STX16: variants seen among roughly 807,000 people sequenced by gnomAD.
The protein encoded by STX16 is syntaxin 16, also known as syntaxin-16.
In STX16, 28 loss-of-function variants were observed where a neutral mutation model predicts 42.7. The observed-to-expected ratio is 0.66, with a 90% CI of 0.49 to 0.90. STX16 has a LOEUF of 0.90. STX16 is among the 40% of genes least tolerant of loss of function. The probability of loss-of-function intolerance (pLI) is 0.00; values close to 1 mark genes in which losing one functional copy is unlikely to be tolerated. For synonymous variants in STX16, 156 were observed against 155.2 expected, an observed-to-expected ratio of 1.00 and a Z score of -0.04; for missense variants, 361 against 420.9, an observed-to-expected ratio of 0.86 and a Z score of 1.24.
chr20:58,652,864 CT>C (rs561829356), intron 1 of STX16, among the ~76,000 whole-genome samples: 25 of 147,574 alleles, frequency 1.7e-4, no homozygotes, highest in South Asian at 1.3e-3. Flanking sequence ...TAAAATAGCA[CT>C]TTTTTTTTTT....
chr20:58,672,734 C>A (rs2084009820), intron 7 of STX16, among the ~76,000 whole-genome samples: 1 of 152,188 alleles, frequency 6.6e-6, no homozygotes, highest in Admixed American at 6.5e-5. Context: ...CCGAGCTCAG[C>A]AATGATTCTG....
At chr20:58,658,250 A>C (rs1282746603) in intron 1 of STX16, among the ~76,000 whole-genome samples, 1 of 152,256 alleles carries the variant, frequency 6.6e-6, no homozygotes, top group African/African-American at 2.4e-5. Flanking sequence ...CAAGTTAGGG[A>C]TTTTGTCTTG....
In STX16 at chr20:58,657,556, G is replaced by C. The variant is rs911218148; in HGVS notation, c.133-2067G>C. Among the ~76,000 whole-genome samples the C allele has an allele frequency of 1.3e-5, 2 of 152,104 alleles. No individual in the cohort carries two copies. The highest frequency in any genetic ancestry group is 4.8e-5 in the African/African-American group (2 of 41,390). On this transcript the variant is annotated intron_variant, in intron 1 of 8. Coordinates refer to ENST00000371141, the MANE Select transcript of STX16 (RefSeq NM_001001433.3). This position sits in a 1 kb window ranked among gnomAD's most constrained non-coding sequence, Gnocchi z 4.2. ...GTTCTTTAGACTATAAATTCCACAT[G>C]CTACTTGGAGTTTTCAGTGTTTGCT... is the stretch of plus-strand genomic sequence containing the variant.
At position 58,671,438 on chromosome 20, in the gene STX16, G is replaced by A. The variant is rs1415958267; in HGVS notation, c.792+141G>A. The A allele has an allele frequency of 0.048, 10,209 of 213,670 alleles. 603 individuals carry two copies. Among genetic ancestry groups the A allele is most frequent in the African/African-American group, 0.32 (6,268 of 19,356 alleles). The allele number at this position is 213,670 out of a possible 1,614,324, so 13.2% of individuals were successfully genotyped here. On this transcript the variant is annotated intron_variant, in intron 7 of 8. Coordinates refer to ENST00000371141, the MANE Select transcript of STX16 (RefSeq NM_001001433.3). ...GCACCTGTCCTTTATGTGTGTGTGG[G>A]TGTGTGTGTGTGTGTGTGTGTGTGT...
At chr20:58,663,559 G>T (rs1440960963) in intron 2 of STX16, among the ~76,000 whole-genome samples, 2 of 152,068 alleles carry the variant, frequency 1.3e-5, no homozygotes, top group African/African-American at 4.8e-5. Flanking sequence ...GACCCCAGTA[G>T]TTCTTGGAGA....
chr20:58,659,018 T>A (rs1352487590), intron 1 of STX16, among the ~76,000 whole-genome samples: 1 of 152,198 alleles, frequency 6.6e-6, no homozygotes, highest in African/African-American at 2.4e-5. Context: ...GTTTCTCAGC[T>A]CTCTTACTAC....
intron 7 of STX16, among the ~76,000 whole-genome samples, chr20:58,672,696 C>G (rs967878720): frequency 6.6e-6 from 1 of 152,042 alleles, no homozygotes; most frequent in Non-Finnish European, 1.5e-5. Context: ...ATGTGAGCAC[C>G]CTACTCTAGA....
chr20:58,667,384 C>G lies in STX16; in HGVS notation c.145-106C>G. On this transcript the variant is annotated intron_variant, in intron 2 of 8. Transcript: ENST00000371141. ...ACATTTAAGAGAGAGTAAACATTCA[C>G]TCCTTTCTGTATCTTTTCAGGGAGT... 3 of 929,708 alleles carry G rather than the reference C, an allele frequency of 3.2e-6. No homozygotes were observed. In the South Asian group the frequency reaches 4.2e-5, roughly 13 times the overall value. 57.6% of individuals were successfully genotyped at this position (929,708 alleles called of 1,614,324 possible).
intron 2 of STX16, among the ~76,000 whole-genome samples, chr20:58,664,414 G>A (rs1452808671): frequency 6.6e-6 from 1 of 152,158 alleles, no homozygotes; most frequent in African/African-American, 2.4e-5. Flanking sequence ...TCATAAAAGA[G>A]ACAAATTATT....
At chr20:58,665,118 T>A (rs2083789171) in intron 2 of STX16, among the ~76,000 whole-genome samples, 1 of 152,246 alleles carries the variant, frequency 6.6e-6, no homozygotes, top group Admixed American at 6.5e-5. Flanking sequence ...TGTGTACCTC[T>A]TGGTGACTTT....
Position 58,676,467 on chromosome 20 carries a change from G to A in STX16, c.*176G>A. The A allele has an allele frequency of 1.7e-6, 1 of 587,810 alleles. No individual in the cohort carries two copies. The allele number at this position is 587,810 out of a possible 1,614,324, so 36.4% of individuals were successfully genotyped here. A position where few individuals can be genotyped will look rare whatever the true frequency, so the allele number is the denominator to read the frequency against. ...CCCTAGTCCTGCTCAAGCGGTCCGG[G>A]GAATGGGTTTTTGTTTTTCCTTCAT... On this transcript the variant is annotated 3_prime_UTR_variant, in exon 9 of 9. Transcript: ENST00000371141.
chr20:58,655,967 C>T (rs1333972910), intron 1 of STX16, among the ~76,000 whole-genome samples: 1 of 152,144 alleles, frequency 6.6e-6, no homozygotes, highest in Non-Finnish European at 1.5e-5. Context: ...ATTTCCCATG[C>T]ATTTTACTTT....
chr20:58,656,154 C>G (rs1405884114), intron 1 of STX16, among the ~76,000 whole-genome samples: 1 of 152,116 alleles, frequency 6.6e-6, no homozygotes, highest in African/African-American at 2.4e-5. Context: ...CATTTGTAAA[C>G]TGAGGGGTTT....
At position 58,651,977 on chromosome 20, in the gene STX16, C is replaced by T. The variant is rs1414527729; in HGVS notation, c.-30C>T. ...TCAGGAATATAAGTGGGCGGGGGGC[C>T]CCTGAGAGGGGGGTCGCAAAGGGTG... On this transcript the variant is annotated 5_prime_UTR_variant, in exon 1 of 9. Transcript: ENST00000371141. 3 of 1,611,710 alleles carry T rather than the reference C, an allele frequency of 1.9e-6. No homozygotes were observed. The highest frequency in any genetic ancestry group is 1.1e-5 in the South Asian group (1 of 91,040).
intron 2 of STX16, among the ~76,000 whole-genome samples, chr20:58,662,610 A>G (rs979553205): frequency 6.6e-6 from 1 of 152,132 alleles, no homozygotes; most frequent in African/African-American, 2.4e-5. Context: ...TCCCCAGTTC[A>G]AGCGATTCTC....
intron 2 of STX16, among the ~76,000 whole-genome samples, chr20:58,664,406 A>G (rs924045883): frequency 6.6e-6 from 1 of 152,252 alleles, no homozygotes; most frequent in Non-Finnish European, 1.5e-5. Context: ...AGACTGTATC[A>G]TAAAAGAGAC....
At chr20:58,673,193 A>G (rs2084022066) in intron 7 of STX16, among the ~76,000 whole-genome samples, 1 of 152,154 alleles carries the variant, frequency 6.6e-6, no homozygotes, top group Non-Finnish European at 1.5e-5. Flanking sequence ...CGTGATAGTC[A>G]ATTTGCAGGT....
At position 58,676,374 on chromosome 20, in the gene STX16, A is replaced by T. The variant is rs1403656404; in HGVS notation, c.*83A>T. 3.2e-6 allele frequency: 4 copies of T among 1,262,240 alleles called. No individual in the cohort carries two copies. Among genetic ancestry groups the T allele is most frequent in the Non-Finnish European group, 4.6e-6 (4 of 863,252 alleles). The allele number at this position is 1,262,240 out of a possible 1,614,324, so 78.2% of individuals were successfully genotyped here. A position where few individuals can be genotyped will look rare whatever the true frequency, so the allele number is the denominator to read the frequency against. On this transcript the variant is annotated 3_prime_UTR_variant, in exon 9 of 9. Transcript: ENST00000371141. ...GGCCTGCGCCCCGCCAGCTGCCCGC[A>T]GAGGTGCAGCCTCGAGGAATCTGAG...
At chr20:58,661,724 G>A (rs902693461) in intron 2 of STX16, among the ~76,000 whole-genome samples, 2 of 152,244 alleles carry the variant, frequency 1.3e-5, no homozygotes, top group Non-Finnish European at 2.9e-5. Flanking sequence ...ACTGGCCTAG[G>A]AGCAGGGGGT....
Sources: gnomAD v4.1 joint callset for allele counts (sites outside exome capture counted in the v4.1 genomes callset) on GRCh38, gnomAD v4.1.1 for gene constraint, Gnocchi (gnomAD v3.1) non-coding constraint, MANE v1.5 for transcripts, NCBI Gene and HGNC (gene_info 2026-07-23, HGNC 2026-07-21) for gene names.